Variants in GNG7 observed in about 807,000 individuals in gnomAD.
The protein encoded by GNG7 is G protein subunit gamma 7, also known as guanine nucleotide-binding protein G(I)/G(S)/G(O) subunit gamma-7.
GNG7 carries 1 observed loss-of-function variant against 4.0 expected under a neutral mutation model. The observed-to-expected ratio is 0.25, with a 90% CI of 0.09 to 1.18. The LOEUF is 1.18. Among genes scored for constraint, GNG7 ranks in the 50% most tolerant of loss-of-function variants. The probability of loss-of-function intolerance (pLI) is 0.50; values close to 1 mark genes in which losing one functional copy is unlikely to be tolerated. For synonymous variants in GNG7, 34 were observed against 36.9 expected (o/e 0.92, Z 0.29); for missense variants, 86 against 91.9 (o/e 0.94, Z 0.26).
intron 2 of GNG7, among the ~76,000 whole-genome samples, chr19:2,628,990 C>T (rs775269184): frequency 6.6e-6 from 1 of 152,158 alleles, no homozygotes; most frequent in Non-Finnish European, 1.5e-5. Flanking sequence ...CGGTGGGGGT[C>T]TTGGGCGCCA....
intron 2 of GNG7, among the ~76,000 whole-genome samples, chr19:2,590,298 A>G (rs972088540): frequency 2.0e-5 from 3 of 152,228 alleles, no homozygotes; most frequent in Non-Finnish European, 4.4e-5. Flanking sequence ...AAAATGGGTC[A>G]GTCTTCCTTT....
chr19:2,527,774 A>ACCCCCCCCCCCCCCCC (rs59937877), intron 3 of GNG7, among the ~76,000 whole-genome samples: 1 of 125,082 alleles, frequency 8.0e-6, no homozygotes, highest in East Asian at 2.2e-4. Flanking sequence ...TTGCCAGGAA[A>ACCCCCCCCCCCCCCCC]CCCCCCCCCC....
intron 2 of GNG7, among the ~76,000 whole-genome samples, chr19:2,575,736 C>T (rs866218961): frequency 2.5e-5 from 2 of 80,728 alleles, no homozygotes; most frequent in East Asian, 2.9e-4. Context: ...CGCAGGCACA[C>T]GCACACGCAG....
chr19:2,577,724 C>T (rs1255817854), intron 2 of GNG7, among the ~76,000 whole-genome samples: 1 of 144,952 alleles, frequency 6.9e-6, no homozygotes, highest in Non-Finnish European at 1.5e-5. Flanking sequence ...AAAAAAAAAT[C>T]AGCGTAATAT....
intron 2 of GNG7, among the ~76,000 whole-genome samples, chr19:2,632,386 G>A (rs960461594): frequency 6.7e-6 from 1 of 149,498 alleles, no homozygotes; most frequent in Non-Finnish European, 1.5e-5. Flanking sequence ...CCGAGATTAT[G>A]CTATTGCATT....
intron 1 of GNG7, among the ~76,000 whole-genome samples, chr19:2,647,013 T>G (rs1403499485): frequency 6.6e-6 from 1 of 152,156 alleles, no homozygotes; most frequent in Non-Finnish European, 1.5e-5. Context: ...CAGCCCCAGC[T>G]CAGCTGGTAC....
intron 2 of GNG7, among the ~76,000 whole-genome samples, chr19:2,631,506 G>A (rs1982157807): frequency 6.6e-6 from 1 of 152,210 alleles, no homozygotes; most frequent in Non-Finnish European, 1.5e-5. Flanking sequence ...ATGAATGTCT[G>A]TGGCCGTGTG....
intron 1 of GNG7, among the ~76,000 whole-genome samples, chr19:2,656,135 T>C (rs1344322682): frequency 6.6e-6 from 1 of 150,766 alleles, no homozygotes; most frequent in Non-Finnish European, 1.5e-5. Flanking sequence ...AGCACAGCCA[T>C]TCTGGAGAAC....
At chr19:2,637,556 A>C (rs562120461) in intron 2 of GNG7, among the ~76,000 whole-genome samples, 2 of 152,278 alleles carry the variant, frequency 1.3e-5, no homozygotes, top group South Asian at 4.1e-4. Flanking sequence ...GACTAGCAAC[A>C]TTATTAAAAG....
chr19:2,515,887 T>G (rs1972728844), intron 4 of GNG7, among the ~76,000 whole-genome samples: 1 of 151,968 alleles, frequency 6.6e-6, no homozygotes, highest in African/African-American at 2.4e-5. Context: ...TGCACAGCAT[T>G]GTGACTATAT....
intron 2 of GNG7, among the ~76,000 whole-genome samples, chr19:2,644,458 ATTCT>A (rs66542960): frequency 0.46 from 67,619 of 147,976 alleles, 15,534 homozygotes; most frequent in Non-Finnish European, 0.49. Context: ...AAAATGCATA[ATTCT>A]TTCTGAGTAT....
rs764549413 is a variant in GNG7 at position 2,538,792 on chromosome 19, G to A, written c.-38+16357C>T. 42 of 390,682 alleles carry A rather than the reference G, an allele frequency of 1.1e-4. 1 individual carries two copies. Among genetic ancestry groups the A allele is most frequent in the Admixed American group, 1.3e-4 (4 of 29,964 alleles). 24.2% of individuals were successfully genotyped at this position (390,682 alleles called of 1,614,324 possible). The stretch of plus-strand genomic sequence containing the variant: ...TCTTTTTTTTCTTTTTTTTTGAGAC[G>A]GAGTCTCACTCTGTCTCCCAGGCTG... On this transcript the variant is annotated intron_variant, in intron 3 of 4. Coordinates refer to ENST00000382159, the MANE Select transcript of GNG7 (RefSeq NM_052847.3).
chr19:2,555,291 CT>C (rs1568241848), intron 2 of GNG7, 103 bp from the exon 3 acceptor site: 2 of 146,352 alleles, frequency 1.4e-5, no homozygotes, highest in African/African-American at 5.1e-5. Context: ...AACGACGTTG[CT>C]GTCCCCAAAA....
chr19:2,525,970 A>ATTTTTTTTT (rs1568231777), intron 3 of GNG7, among the ~76,000 whole-genome samples: 4 of 26,782 alleles, frequency 1.5e-4, no homozygotes, highest in African/African-American at 1.2e-3. Flanking sequence ...CCTCCACGCC[A>ATTTTTTTTT]ATTTTTTTTT....
At chr19:2,581,412 G>A (rs1355847294) in intron 2 of GNG7, among the ~76,000 whole-genome samples, 1 of 152,056 alleles carries the variant, frequency 6.6e-6, no homozygotes, top group Non-Finnish European at 1.5e-5. Flanking sequence ...TTGCCCAGGA[G>A]GGGTCAGCAG....
chr19:2,686,057 C>T (rs527246064), intron 1 of GNG7, among the ~76,000 whole-genome samples: 18 of 152,176 alleles, frequency 1.2e-4, no homozygotes, highest in African/African-American at 3.4e-4. Flanking sequence ...TTCATCAGAG[C>T]GAGAATGTGG....
At chr19:2,656,293 C>T (rs750566565) in intron 1 of GNG7, among the ~76,000 whole-genome samples, 18 of 152,180 alleles carry the variant, frequency 1.2e-4, no homozygotes, top group Non-Finnish European at 4.4e-5. Context: ...ACATGTCCAT[C>T]GTTGGATGAA....
rs189944029 is a variant in GNG7 at position 2,520,732 on chromosome 19, G to A, written c.-37-7C>T. 5.5e-4 allele frequency: 642 copies of A among 1,161,990 alleles called. No homozygotes were observed. The highest frequency in any genetic ancestry group is 1.8e-3 in the South Asian group (141 of 76,244). The allele number at this position is 1,161,990 out of a possible 1,614,324, so 72.0% of individuals were successfully genotyped here. Reference sequence around the variant, plus strand: ...GGCCCCGTTGTTCAGAGAGCTGTGGGGGAAGCAGAGGGGTGTGGGTCAAAG... The same window carrying A: ...GGCCCCGTTGTTCAGAGAGCTGTGGAGGAAGCAGAGGGGTGTGGGTCAAAG... On this transcript the variant is annotated splice_polypyrimidine_tract_variant and splice_region_variant and intron_variant, in intron 3 of 4. Transcript: ENST00000382159.
At chr19:2,679,785 C>T (rs1294593475) in intron 1 of GNG7, among the ~76,000 whole-genome samples, 2 of 152,172 alleles carry the variant, frequency 1.3e-5, no homozygotes, top group Non-Finnish European at 2.9e-5. Flanking sequence ...CTTCACCTTA[C>T]TCATTGTATT....
Sources: gnomAD v4.1 joint callset for allele counts (sites outside exome capture counted in the v4.1 genomes callset) on GRCh38, gnomAD v4.1.1 for gene constraint, MANE v1.5 for transcripts, NCBI Gene and HGNC (gene_info 2026-07-23, HGNC 2026-07-21) for gene names.